The following DOP1A variants were observed in gnomAD, a reference collection of about 807,000 sequenced individuals.
The protein encoded by DOP1A is DOP1 leucine zipper like protein A.
DOP1A carries 90 observed loss-of-function variants against 267.6 expected under a neutral mutation model. That is an observed-to-expected ratio of 0.34 (90% CI 0.28 to 0.40). The LOEUF (loss-of-function observed/expected upper bound fraction) is 0.40. DOP1A is among the 10% of genes least tolerant of loss of function. DOP1A has a pLI of 1.00. For missense variants in DOP1A, 2,437 were observed against 2,900.4 expected, an observed-to-expected ratio of 0.84 and a Z score of 3.67; for synonymous variants, 932 against 999.1, an observed-to-expected ratio of 0.93 and a Z score of 1.27.
Position 83,124,690 on chromosome 6 carries a change from A to G in DOP1A, c.1341-15A>G. ...CTTGACAGTATACTTAATAAAGTGA[A>G]TTTTGTCCTTTTAGGAGGACACTGC... On this transcript the variant is annotated splice_polypyrimidine_tract_variant and intron_variant, in intron 12 of 38. Coordinates refer to ENST00000349129, the MANE Select transcript of DOP1A (RefSeq NM_015018.4). 1 of 1,587,184 alleles carries G rather than the reference A, an allele frequency of 6.3e-7. No individual in the cohort carries two copies. Among genetic ancestry groups the G allele is most frequent in the Non-Finnish European group, 8.6e-7 (1 of 1,157,092 alleles).
At position 83,129,383 on chromosome 6, in the gene DOP1A, C is replaced by A; in HGVS notation, c.2216C>A (p.Thr739Asn). 1 of 1,611,580 alleles carries A rather than the reference C, an allele frequency of 6.2e-7. No individual in the cohort carries two copies. Among genetic ancestry groups the A allele is most frequent in the South Asian group, 1.1e-5 (1 of 90,576 alleles). Reference protein sequence around the residue: ...VKEKNISKQKTSKEYLSAFLA... With the variant: ...VKEKNISKQKNSKEYLSAFLA... Reference sequence around the variant, plus strand: ...GAGAAAAACATAAGTAAACAAAAAACTTCTAAAGAATACCTGTCTGCCTTC... The same window carrying A: ...GAGAAAAACATAAGTAAACAAAAAAATTCTAAAGAATACCTGTCTGCCTTC... The change falls in exon 16 of 39, where the codon ACT becomes AAT. Residue 739 changes from threonine (T) to asparagine (N), a missense_variant. Physicochemically the swap from Thr to Asn is moderately conservative, Grantham distance 65 (BLOSUM62 0). Coordinates refer to ENST00000349129, the MANE Select transcript of DOP1A (RefSeq NM_015018.4).
At chr6:83,153,154 GTT>G (rs5877836) in intron 30 of DOP1A, among the ~76,000 whole-genome samples, 1 of 151,010 alleles carries the variant, frequency 6.6e-6, no homozygotes, top group African/African-American at 2.4e-5. Flanking sequence ...TCAATTGTTT[GTT>G]TTTTTTTCCT....
intron 24 of DOP1A, among the ~76,000 whole-genome samples, chr6:83,143,468 TAGAC>T (rs1448576259): frequency 2.6e-5 from 4 of 152,268 alleles, no homozygotes; most frequent in Non-Finnish European, 5.9e-5. Flanking sequence ...TCTAATGTGA[TAGAC>T]AGACTGAAAC....
chr6:83,169,071 A>G, downstream of DOP1A: 1 of 1,419,750 alleles, frequency 7.0e-7, no homozygotes, highest in Non-Finnish European at 9.2e-7. Context: ...ACCTATTTAT[A>G]AAGAATTATT....
In DOP1A at chr6:83,100,824, A is replaced by G. The variant is rs765946358; in HGVS notation, c.258A>G (p.Thr86=). 46 of 1,587,810 alleles carry G rather than the reference A, an allele frequency of 2.9e-5. No homozygotes were observed. Among genetic ancestry groups the G allele is most frequent in the South Asian group, 2.7e-4 (23 of 85,484 alleles). The change falls in exon 4 of 39, where the codon ACA becomes ACG. Residue 86 remains threonine, a synonymous_variant. Transcript: ENST00000349129. ...PGGVHRKALE[T]YEIIFKIIGP... ...GAGTTCATCGGAAGGCGCTTGAAAC[A>G]TATGAAATTATCTTCAAAATAATTG... is the stretch of plus-strand genomic sequence containing the variant.
intron 1 of DOP1A, among the ~76,000 whole-genome samples, chr6:83,069,348 C>T (rs1439832931): frequency 6.6e-6 from 1 of 152,166 alleles, no homozygotes; most frequent in African/African-American, 2.4e-5. Context: ...CTTATAAAGG[C>T]AGGACTCTTC....
intron 1 of DOP1A, among the ~76,000 whole-genome samples, chr6:83,089,107 T>A (rs1381524708): frequency 6.6e-6 from 1 of 152,206 alleles, no homozygotes; most frequent in Non-Finnish European, 1.5e-5. Flanking sequence ...TAATAATGAA[T>A]CTTTTCTCTT....
At chr6:83,090,095 C>T (rs1016024581) in intron 1 of DOP1A, among the ~76,000 whole-genome samples, 1 of 151,864 alleles carries the variant, frequency 6.6e-6, no homozygotes, top group Non-Finnish European at 1.5e-5. Context: ...TCTTAATTAA[C>T]ATACTTGCTT....
At chr6:83,073,827 C>CA (rs1279067667) in intron 1 of DOP1A, among the ~76,000 whole-genome samples, 2 of 152,192 alleles carry the variant, frequency 1.3e-5, no homozygotes, top group Non-Finnish European at 2.9e-5. Flanking sequence ...TTCCTCCCCA[C>CA]ATGGGCCTCT....
At chr6:83,122,778 A>G (rs1776561412) in intron 11 of DOP1A, 85 bp from the exon 12 acceptor site, 2 of 994,620 alleles carry the variant, frequency 2.0e-6, no homozygotes, top group Non-Finnish European at 2.7e-6. Flanking sequence ...ACCTAGGAAT[A>G]TGTACTGGCA....
At chr6:83,067,970 C>G (rs543379167) in intron 1 of DOP1A, among the ~76,000 whole-genome samples, 191 bp downstream of exon 1, 1 of 152,146 alleles carries the variant, frequency 6.6e-6, no homozygotes, top group South Asian at 2.1e-4. Flanking sequence ...TACGGGGAGT[C>G]GGGAGCTGCG....
chr6:83,169,103 A>C, downstream of DOP1A: 1 of 1,457,862 alleles, frequency 6.9e-7, no homozygotes. Flanking sequence ...TAAGAAAAAC[A>C]GATCTAGAGA....
At chr6:83,125,047 T>A (rs541514134) in intron 13 of DOP1A, 119 bp from the exon 14 acceptor site, 1 of 959,080 alleles carries the variant, frequency 1.0e-6, no homozygotes, top group African/African-American at 1.7e-5. Context: ...TCTTAACTGT[T>A]TAGTGTATAG....
At chr6:83,161,478 A>C (rs770878082) in intron 37 of DOP1A, among the ~76,000 whole-genome samples, 18 of 152,166 alleles carry the variant, frequency 1.2e-4, no homozygotes, top group Non-Finnish European at 2.1e-4. Context: ...GATAGCAATG[A>C]ATTGGTAAAA....
intron 3 of DOP1A, among the ~76,000 whole-genome samples, chr6:83,099,680 A>ATGTGTG (rs373165064): frequency 1.2e-3 from 161 of 138,992 alleles, no homozygotes; most frequent in African/African-American, 3.8e-3. Context: ...AGGATTGCAT[A>ATGTGTG]TGTGTGTGTG....
chr6:83,151,243 G>A (rs1349182178), intron 27 of DOP1A, among the ~76,000 whole-genome samples: 3 of 152,164 alleles, frequency 2.0e-5, no homozygotes, highest in African/African-American at 7.2e-5. Context: ...GCACACTGCA[G>A]CCTTGGCCTC....
At chr6:83,129,858 A>G (rs909700576) in intron 16 of DOP1A, among the ~76,000 whole-genome samples, 2 of 152,214 alleles carry the variant, frequency 1.3e-5, no homozygotes, top group African/African-American at 4.8e-5. Flanking sequence ...AGTGAATACT[A>G]CATAATGCTT....
chr6:83,140,479 A>G lies in DOP1A; in HGVS notation c.5415+76A>G. 3.3e-6 allele frequency: 4 copies of G among 1,217,194 alleles called. No individual in the cohort carries two copies. In the East Asian group the frequency reaches 9.5e-5, roughly 29 times the overall value. The allele number at this position is 1,217,194 out of a possible 1,614,324, so 75.4% of individuals were successfully genotyped here. The stretch of plus-strand genomic sequence containing the variant: ...CCAAAGATTATATTCAGAATATGTG[A>G]ATAATTTGTGTAGTATTTACAGGAC... On this transcript the variant is annotated intron_variant, in intron 23 of 38. Transcript: ENST00000349129.
rs747185045 is a variant in DOP1A, at chr6:83,119,790, G to A, written c.923G>A (p.Arg308Lys). Residue 308 changes from arginine to lysine, a missense_variant, in exon 9 of 39, where the codon AGA (arginine) becomes AAA (lysine). By Grantham distance (26) the Arg-to-Lys change is conservative (BLOSUM62 2). Around this residue, in one of 9 missense-constraint regions of DOP1A, gnomAD observed 498 missense variants for 513.5 expected, o/e 0.97. Transcript: ENST00000349129. ...NGAIIGPRST[R>K]HSNPEEHATY... ...GCTATCATAGGACCCAGAAGCACAA[G>A]ACACAGTAATCCTGAAGAACATGCC... 24 of 1,612,996 alleles carry A rather than the reference G, an allele frequency of 1.5e-5. 1 individual carries two copies. In the South Asian group the frequency reaches 2.6e-4, roughly 18 times the overall value.
Sources: allele counts gnomAD v4.1 joint callset (sites outside exome capture counted in the v4.1 genomes callset), GRCh38; gene constraint gnomAD v4.1.1; regional missense constraint gnomAD v4.1.1; transcripts MANE v1.5; gene names NCBI Gene and HGNC (gene_info 2026-07-23, HGNC 2026-07-21).